Variants in SLC22A15 observed in about 807,000 individuals in gnomAD.
SLC22A15 encodes flipt 1.
A neutral mutation model predicts 62.7 loss-of-function variants in SLC22A15; 45 were observed. That is an observed-to-expected ratio of 0.72 (90% CI 0.56 to 0.92). The LOEUF (loss-of-function observed/expected upper bound fraction) is 0.92. Among genes scored for constraint, SLC22A15 ranks in the 40% least tolerant of loss-of-function variants. The probability of loss-of-function intolerance (pLI) is 0.00; values close to 1 mark genes in which losing one functional copy is unlikely to be tolerated. For synonymous variants in SLC22A15, 264 were observed against 267.0 expected (o/e 0.99, Z 0.11); for missense variants, 622 against 665.6 (o/e 0.93, Z 0.72).
chr1:116,011,172 T>G (rs1656234917), intron 2 of SLC22A15, among the ~76,000 whole-genome samples: 1 of 152,226 alleles, frequency 6.6e-6, no homozygotes, highest in South Asian at 2.1e-4. Flanking sequence ...AGCCCCTGCC[T>G]GGCTTGCAGG....
At chr1:116,036,792 C>A (rs145169905) in intron 7 of SLC22A15, among the ~76,000 whole-genome samples, 11 of 152,198 alleles carry the variant, frequency 7.2e-5, no homozygotes, top group Admixed American at 7.2e-4. Context: ...TATTTCTAAC[C>A]CACTGACAAA....
intron 8 of SLC22A15, among the ~76,000 whole-genome samples, chr1:116,061,322 T>C (rs1039888757): frequency 6.6e-6 from 1 of 152,110 alleles, no homozygotes; most frequent in African/African-American, 2.4e-5. Flanking sequence ...CATATTTCAT[T>C]TGAGCTGCTT....
chr1:116,007,131 A>T (rs898194198), intron 2 of SLC22A15, among the ~76,000 whole-genome samples: 2 of 152,328 alleles, frequency 1.3e-5, no homozygotes, highest in Non-Finnish European at 2.9e-5. Context: ...TCAAAAAATT[A>T]TCCACCCTCA....
chr1:116,009,038 C>T (rs1208635339), intron 2 of SLC22A15, among the ~76,000 whole-genome samples: 1 of 152,044 alleles, frequency 6.6e-6, no homozygotes, highest in Non-Finnish European at 1.5e-5. Context: ...TACATGTTTC[C>T]TAACAGAACA....
At chr1:116,026,807 G>T in intron 4 of SLC22A15, 86 bp from the exon 5 acceptor site, 1 of 1,539,740 alleles carries the variant, frequency 6.5e-7, no homozygotes, top group Admixed American at 1.8e-5. Flanking sequence ...ATCTCACCAG[G>T]AAGAAATTGG....
intron 2 of SLC22A15, among the ~76,000 whole-genome samples, chr1:115,998,438 G>A (rs1655533706): frequency 6.6e-6 from 1 of 152,058 alleles, no homozygotes; most frequent in African/African-American, 2.4e-5. Flanking sequence ...TTTTCTGGGA[G>A]ACTTTTTATT....
At position 115,992,257 on chromosome 1, in the gene SLC22A15, G is replaced by GT; in HGVS notation, c.300+17dup. 1.9e-6 allele frequency: 3 copies of GT among 1,552,972 alleles called. No individual in the cohort carries two copies. The highest frequency in any genetic ancestry group is 2.6e-6 in the Non-Finnish European group (3 of 1,144,818). Reference sequence around the variant, plus strand: ...ATCGCCTCGGAGGTAACAACAGGCTGTTTCAATCACTAAATAAATGTCTCT... The same window carrying GT: ...ATCGCCTCGGAGGTAACAACAGGCTGTTTTCAATCACTAAATAAATGTCTCT... On this transcript the variant is annotated intron_variant, in intron 2 of 11. Transcript: ENST00000369503.
chr1:116,012,070 AT>A (rs879629845), intron 2 of SLC22A15, among the ~76,000 whole-genome samples: 1 of 152,066 alleles, frequency 6.6e-6, no homozygotes, highest in Admixed American at 6.5e-5. Flanking sequence ...GGAGTAAATG[AT>A]TTTTTTCTTT....
intron 9 of SLC22A15, 40 bp downstream of exon 9, chr1:116,062,922 A>T: frequency 6.2e-7 from 1 of 1,606,048 alleles, no homozygotes; most frequent in South Asian, 1.1e-5. Flanking sequence ...CACATTCTAC[A>T]CTTTGTCATC....
chr1:116,027,110 T>C (rs1311495703), intron 5 of SLC22A15, 88 bp downstream of exon 5: 3 of 1,291,216 alleles, frequency 2.3e-6, no homozygotes, highest in East Asian at 2.4e-5. Flanking sequence ...CATTATTCCC[T>C]TTCAGGAGCT....
At chr1:116,047,896 C>T (rs1183382544) in intron 8 of SLC22A15, among the ~76,000 whole-genome samples, 2 of 152,040 alleles carry the variant, frequency 1.3e-5, no homozygotes, top group African/African-American at 4.8e-5. Flanking sequence ...ACAGTGAAAA[C>T]TTCAGGAAAC....
chr1:116,042,880 G>A (rs537715733), intron 8 of SLC22A15, among the ~76,000 whole-genome samples: 2 of 152,246 alleles, frequency 1.3e-5, no homozygotes, highest in African/African-American at 4.8e-5. Flanking sequence ...CATTTGAAGT[G>A]CACACAGAAC....
intron 3 of SLC22A15, 123 bp from the exon 4 acceptor site, chr1:116,020,598 C>T (rs1656778246): frequency 2.4e-6 from 2 of 848,986 alleles, no homozygotes; most frequent in Admixed American, 3.7e-5. Flanking sequence ...AAGAAACCCA[C>T]AAAAACAGCT....
At chr1:116,029,806 A>G (rs1003612131) in intron 5 of SLC22A15, among the ~76,000 whole-genome samples, 3 of 152,274 alleles carry the variant, frequency 2.0e-5, no homozygotes, top group South Asian at 2.1e-4. Flanking sequence ...ATATAACCCA[A>G]AGATAATGAC....
intron 10 of SLC22A15, among the ~76,000 whole-genome samples, chr1:116,065,961 T>C (rs1254561047): frequency 6.6e-6 from 1 of 152,200 alleles, no homozygotes; most frequent in Non-Finnish European, 1.5e-5. Flanking sequence ...CCCTTAACCA[T>C]GTTCAGTTTA....
chr1:116,027,816 G>A (rs1459590223), intron 5 of SLC22A15, among the ~76,000 whole-genome samples: 1 of 152,080 alleles, frequency 6.6e-6, no homozygotes, highest in Non-Finnish European at 1.5e-5. Flanking sequence ...GTAGAGACAG[G>A]GTTTCTCCAT....
intron 6 of SLC22A15, chr1:116,032,275 T>A (rs1657441740): frequency 1.0e-6 from 1 of 985,284 alleles, no homozygotes; most frequent in Admixed American, 6.2e-5. Context: ...AGAATGAAGT[T>A]GTAGAAAGAG....
intron 2 of SLC22A15, among the ~76,000 whole-genome samples, chr1:115,992,563 A>G (rs1655203951): frequency 6.6e-6 from 1 of 152,138 alleles, no homozygotes; most frequent in Non-Finnish European, 1.5e-5. Context: ...TAAATATGCA[A>G]AAATTAACAC....
intron 1 of SLC22A15, among the ~76,000 whole-genome samples, chr1:115,985,184 C>A (rs1654798383): frequency 6.6e-6 from 1 of 152,214 alleles, no homozygotes; most frequent in East Asian, 1.9e-4. Flanking sequence ...TACAGGTGTA[C>A]CATTTAAAAA....
Sources: gnomAD v4.1 joint callset for allele counts (sites outside exome capture counted in the v4.1 genomes callset) on GRCh38, gnomAD v4.1.1 for gene constraint, MANE v1.5 for transcripts, NCBI Gene and HGNC (gene_info 2026-07-23, HGNC 2026-07-21) for gene names.